The following ACAD11 variants were observed in gnomAD, a reference collection of about 807,000 sequenced individuals.
ACAD11 encodes acyl-Coenzyme A dehydrogenase family, member 11.
Under a neutral mutation model 102.2 loss-of-function variants are expected in ACAD11, and 83 were observed. That is an observed-to-expected ratio of 0.81 (90% confidence interval 0.68 to 0.97). The LOEUF (loss-of-function observed/expected upper bound fraction) is 0.97. Among genes scored for constraint, ACAD11 ranks in the 50% least tolerant of loss-of-function variants. The pLI is 0.00. For synonymous variants in ACAD11, 324 were observed against 319.8 expected, an observed-to-expected ratio of 1.01 and a Z score of -0.14; for missense variants, 901 against 951.7, an observed-to-expected ratio of 0.95 and a Z score of 0.70.
At chr3:132,604,366 A>G (rs1938750154) in intron 12 of ACAD11, among the ~76,000 whole-genome samples, 1 of 152,242 alleles carries the variant, frequency 6.6e-6, no homozygotes, top group African/African-American at 2.4e-5. Context: ...TAGTCTAAAT[A>G]GCATTCAGGA....
chr3:132,603,201 A>G, intron 13 of ACAD11, 28 bp downstream of exon 13: 1 of 1,526,024 alleles, frequency 6.6e-7, no homozygotes, highest in Non-Finnish European at 9.1e-7. Context: ...TCAGTGTGTT[A>G]GGTGAAAAAA....
chr3:132,635,534 G>A (rs1940239869), intron 5 of ACAD11, among the ~76,000 whole-genome samples: 2 of 152,088 alleles, frequency 1.3e-5, no homozygotes, highest in African/African-American at 2.4e-5. Context: ...TCAGACCCTA[G>A]CTCTACCATT....
At chr3:132,635,276 G>A (rs905029686) in intron 5 of ACAD11, among the ~76,000 whole-genome samples, 2 of 151,896 alleles carry the variant, frequency 1.3e-5, no homozygotes, top group Non-Finnish European at 2.9e-5. Flanking sequence ...TATTTTAAGA[G>A]GGTCACTCTG....
intron 11 of ACAD11, among the ~76,000 whole-genome samples, chr3:132,617,475 A>G (rs1049971582): frequency 6.6e-6 from 1 of 152,132 alleles, no homozygotes; most frequent in Non-Finnish European, 1.5e-5. Flanking sequence ...TTAATACCCC[A>G]TATCCAATGA....
chr3:132,568,371 T>C (rs564599580), intron 17 of ACAD11, among the ~76,000 whole-genome samples: 24 of 152,296 alleles, frequency 1.6e-4, no homozygotes, highest in African/African-American at 5.5e-4. Flanking sequence ...GATGAGATGA[T>C]GTGTGTAGAT....
chr3:132,658,852 A>C (rs1165212767), intron 1 of ACAD11, among the ~76,000 whole-genome samples: 1 of 152,206 alleles, frequency 6.6e-6, no homozygotes, highest in East Asian at 1.9e-4. Context: ...TTCATTAATA[A>C]GACTAATCAA....
Position 132,577,023 on chromosome 3 carries a change from A to T in ACAD11, c.1775-8T>A. ...GTCCTCCATGAAAATTATCTATAAA[A>T]TAGAAAATAAAATTTAGAGCAAAAG... On this transcript the variant is annotated splice_region_variant and splice_polypyrimidine_tract_variant and intron_variant, in intron 15 of 19. Transcript: ENST00000264990. 1.3e-6 allele frequency: 2 copies of T among 1,566,910 alleles called. No individual in the cohort carries two copies. Among genetic ancestry groups the T allele is most frequent in the Non-Finnish European group, 1.8e-6 (2 of 1,142,084 alleles).
At chr3:132,560,901 C>T (rs1312163200) in intron 18 of ACAD11, among the ~76,000 whole-genome samples, 200 bp downstream of exon 18, 1 of 152,036 alleles carries the variant, frequency 6.6e-6, no homozygotes, top group Non-Finnish European at 1.5e-5. Context: ...AAGATATTCT[C>T]CCTCCTGAAA....
intron 5 of ACAD11, among the ~76,000 whole-genome samples, chr3:132,638,465 T>C (rs1249503786): frequency 1.3e-5 from 2 of 152,194 alleles, no homozygotes; most frequent in Non-Finnish European, 2.9e-5. Flanking sequence ...AAGTTAAGCA[T>C]AAATTTATGA....
rs575944054 is a variant in ACAD11, at chr3:132,569,285, T to A, written c.2001+6487A>T. Among the ~76,000 whole-genome samples the A allele has an allele frequency of 5.9e-5, 9 of 152,122 alleles. No individual in the cohort carries two copies. The East Asian group carries it at 1.4e-3, about 23-fold the overall frequency. ...CTGAGATTAAAGCCACAATGAGATA[T>A]CACTACAAACCCATCAGAATGGCTA... On this transcript the variant is annotated intron_variant, in intron 17 of 19. Transcript: ENST00000264990.
chr3:132,642,469 TAATTACTA>T (rs772593373), intron 3 of ACAD11, among the ~76,000 whole-genome samples, 200 bp downstream of exon 3: 3 of 152,204 alleles, frequency 2.0e-5, no homozygotes, highest in Non-Finnish European at 4.4e-5. Flanking sequence ...CAATACCCCC[TAATTACTA>T]AATTTGTTTC....
chr3:132,614,803 A>G (rs1196645399), intron 11 of ACAD11, among the ~76,000 whole-genome samples: 7 of 152,248 alleles, frequency 4.6e-5, no homozygotes. Context: ...AGCAATGGCA[A>G]CAAAAGCCAA....
intron 13 of ACAD11, chr3:132,600,337 C>A (rs1938512527): frequency 2.8e-6 from 4 of 1,427,550 alleles, no homozygotes; most frequent in African/African-American, 1.4e-5. Context: ...AAACTGTTTC[C>A]TTTTAAGCAT....
chr3:132,560,188 G>T (rs952597202), intron 18 of ACAD11, among the ~76,000 whole-genome samples: 2 of 152,022 alleles, frequency 1.3e-5, no homozygotes, highest in Admixed American at 6.6e-5. Flanking sequence ...TTTCCAAAAG[G>T]ATTTCAGGCA....
chr3:132,647,823 T>G (rs1393606503), intron 1 of ACAD11, among the ~76,000 whole-genome samples: 3 of 152,192 alleles, frequency 2.0e-5, no homozygotes, highest in Non-Finnish European at 4.4e-5. Context: ...CTCACATTTT[T>G]GGGGCCTGGG....
At position 132,611,822 on chromosome 3, in the gene ACAD11, G is replaced by A. The variant is rs1374697633; in HGVS notation, c.1415-6617C>T. ...GCCCAAGGTAATTTATAGATTCAAT[G>A]CCATCCCCATCAAGCTACCAATGAC... On this transcript the variant is annotated intron_variant, in intron 11 of 19. Transcript: ENST00000264990. Among the ~76,000 whole-genome samples, 5 of 151,990 alleles carry A rather than the reference G, an allele frequency of 3.3e-5. No homozygotes were observed. The East Asian group carries it at 7.7e-4, about 23-fold the overall frequency.
chr3:132,586,053 G>T (rs932818992), intron 13 of ACAD11, among the ~76,000 whole-genome samples: 3 of 152,156 alleles, frequency 2.0e-5, no homozygotes, highest in Non-Finnish European at 4.4e-5. Flanking sequence ...TATGTTTATT[G>T]TGGCACTATT....
chr3:132,572,339 A>G (rs57822248), intron 17 of ACAD11, among the ~76,000 whole-genome samples: 3,773 of 152,226 alleles, frequency 0.025, 141 homozygotes, highest in African/African-American at 0.086. Context: ...CTAACCAGGG[A>G]GGTAAAAAAT....
intron 13 of ACAD11, among the ~76,000 whole-genome samples, chr3:132,590,289 C>T (rs1342770877): frequency 2.0e-5 from 3 of 152,124 alleles, no homozygotes; most frequent in Non-Finnish European, 4.4e-5. Context: ...GACAGTCTCA[C>T]TCTGTTGCCA....
Sources: allele counts gnomAD v4.1 joint callset (sites outside exome capture counted in the v4.1 genomes callset), GRCh38; gene constraint gnomAD v4.1.1; transcripts MANE v1.5; gene names NCBI Gene and HGNC (gene_info 2026-07-23, HGNC 2026-07-21).